Variants in SEPHS1 observed in about 807,000 individuals in gnomAD.
The protein encoded by SEPHS1 is zincore component SEPHS1.
In SEPHS1, 7 loss-of-function variants were observed where a neutral mutation model predicts 39.2. The observed-to-expected ratio is 0.18, with a 90% CI of 0.10 to 0.34. SEPHS1 has a LOEUF of 0.34. Among genes scored for constraint, SEPHS1 ranks in the 10% least tolerant of loss-of-function variants. The pLI is 1.00. For missense variants in SEPHS1, 253 were observed against 514.5 expected, an observed-to-expected ratio of 0.49 and a Z score of 4.92; for synonymous variants, 190 against 195.5, an observed-to-expected ratio of 0.97 and a Z score of 0.23.
rs369770370 is a variant in SEPHS1, at chr10:13,323,130, CCTTA to C, written c.752-87_752-84del. On this transcript the variant is annotated intron_variant, in intron 7 of 8. Coordinates refer to ENST00000327347, the MANE Select transcript of SEPHS1 (RefSeq NM_012247.5). ...TACGTCCACAATTAATCTGCAACTT[CCTTA>C]CTTGTCAGGGAGATGACGTATCGGA... The C allele has an allele frequency of 1.2e-3, 1,271 of 1,074,956 alleles. 8 individuals carry two copies. The African/African-American group carries it at 0.014, about 12-fold the overall frequency. 66.6% of individuals were successfully genotyped at this position (1,074,956 alleles called of 1,614,324 possible).
intron 6 of SEPHS1, 35 bp downstream of exon 6, chr10:13,329,663 T>C: frequency 6.7e-7 from 1 of 1,494,348 alleles, no homozygotes; most frequent in Non-Finnish European, 9.2e-7. Context: ...AACGTACCAT[T>C]CCCCTCCCTC....
intron 7 of SEPHS1, among the ~76,000 whole-genome samples, chr10:13,323,922 T>C (rs546816910): frequency 6.6e-4 from 100 of 152,224 alleles, no homozygotes; most frequent in Admixed American, 1.8e-3. Flanking sequence ...TACACTACAT[T>C]TTGTTTATCC....
rs912078051 is a variant in SEPHS1, at chr10:13,348,236, C to T, written c.-315G>A. On this transcript the variant is annotated 5_prime_UTR_variant, in exon 1 of 9. Coordinates refer to ENST00000327347, the MANE Select transcript of SEPHS1 (RefSeq NM_012247.5). ...CCCGCCGGCTGGGCGCGCGGGGGTC[C>T]TTTAAGGCCGGCCACCTCCCTTTAA... 1 of 148,010 alleles carries T rather than the reference C, an allele frequency of 6.8e-6. No homozygotes were observed. Among genetic ancestry groups the T allele is most frequent in the East Asian group, 2.0e-4 (1 of 4,904 alleles). 9.2% of individuals were successfully genotyped at this position (148,010 alleles called of 1,614,324 possible). A position where few individuals can be genotyped will look rare whatever the true frequency, so the allele number is the denominator to read the frequency against.
At chr10:13,321,309 C>T (rs565914202) in intron 8 of SEPHS1, among the ~76,000 whole-genome samples, 7 of 151,548 alleles carry the variant, frequency 4.6e-5, no homozygotes, top group Non-Finnish European at 8.8e-5. Flanking sequence ...TGCAGTGGGG[C>T]GATCTTGGCT....
rs1832987355 is a variant in SEPHS1 at position 13,317,786 on chromosome 10, T to C, written c.*1356A>G. ...TGTGCTGCTTTTTCTCTCACGAAGA[T>C]GGGCACTTGAGGATCCAGCGCCCTT... On this transcript the variant is annotated 3_prime_UTR_variant, in exon 9 of 9. Transcript: ENST00000327347. The C allele has an allele frequency of 6.6e-6, 1 of 152,230 alleles. No homozygotes were observed. The highest frequency in any genetic ancestry group is 1.5e-5 in the Non-Finnish European group (1 of 68,044). 9.4% of individuals were successfully genotyped at this position (152,230 alleles called of 1,614,324 possible).
At chr10:13,321,222 T>G (rs1197042915) in intron 8 of SEPHS1, among the ~76,000 whole-genome samples, 2 of 150,952 alleles carry the variant, frequency 1.3e-5, no homozygotes, top group Admixed American at 6.6e-5. Flanking sequence ...CCACCGTTTT[T>G]GGGAGGCTGG....
At chr10:13,324,477 A>T (rs1444901634) in intron 7 of SEPHS1, among the ~76,000 whole-genome samples, 1 of 152,224 alleles carries the variant, frequency 6.6e-6, no homozygotes, top group Non-Finnish European at 1.5e-5. Flanking sequence ...TGCATCATAT[A>T]ATAACATATT....
At chr10:13,331,995 C>T (rs1026229767) in intron 5 of SEPHS1, among the ~76,000 whole-genome samples, 1 of 152,232 alleles carries the variant, frequency 6.6e-6, no homozygotes, top group Non-Finnish European at 1.5e-5. Flanking sequence ...GATGATTCCT[C>T]AAGTTAAACA....
At chr10:13,347,490 G>GGCCGGCGGGAGGCGGCGGGA (rs1306527164) in intron 1 of SEPHS1, 2 of 147,996 alleles carry the variant, frequency 1.4e-5, no homozygotes, top group African/African-American at 2.4e-5. Flanking sequence ...TCCCTGTTCG[G>GGCCGGCGGGAGGCGGCGGGA]GCCGGCGGGA....
At position 13,319,088 on chromosome 10, in the gene SEPHS1, A is replaced by G; in HGVS notation, c.*54T>C. 8 of 1,543,900 alleles carry G rather than the reference A, an allele frequency of 5.2e-6. No individual in the cohort carries two copies. The East Asian group carries it at 6.7e-5, about 13-fold the overall frequency. On this transcript the variant is annotated 3_prime_UTR_variant, in exon 9 of 9. Transcript: ENST00000327347. ...TTGTTTATAGTCTTTAATTGAAGTG[A>G]TAAGGGAAATAGATCTATTTAAAAA...
chr10:13,335,233 T>C (rs542521227), intron 4 of SEPHS1, among the ~76,000 whole-genome samples: 66 of 152,332 alleles, frequency 4.3e-4, no homozygotes, highest in African/African-American at 1.5e-3. Flanking sequence ...CTGGTGGCCC[T>C]ATCCCCCGTC....
intron 2 of SEPHS1, 45 bp from the exon 3 acceptor site, chr10:13,338,853 G>A (rs1833712813): frequency 1.4e-6 from 2 of 1,422,402 alleles, no homozygotes; most frequent in African/African-American, 2.8e-5. Flanking sequence ...AAACGGGAAA[G>A]CCATTTCATT....
chr10:13,325,974 TA>T (rs1833274939), intron 7 of SEPHS1, among the ~76,000 whole-genome samples: 1 of 96,416 alleles, frequency 1.0e-5, no homozygotes, highest in South Asian at 3.4e-4. Flanking sequence ...ATAATAATAA[TA>T]ATAATAAATG....
intron 8 of SEPHS1, among the ~76,000 whole-genome samples, chr10:13,320,187 ATTT>A (rs991848446): frequency 6.8e-6 from 1 of 145,990 alleles, no homozygotes. Flanking sequence ...TAGGCCATAA[ATTT>A]TTTTTTTTTT....
At position 13,336,302 on chromosome 10, in the gene SEPHS1, C is replaced by A; in HGVS notation, c.346G>T (p.Val116Phe). ...ATCAGCATATTGTCACATTCCGTGA[C>A]CCCCATTGCATAGAGGTCACTGAGG... ...NVLSDLYAMG[V>F]TECDNMLMLL... is the part of the protein sequence containing the mutation. The change falls in exon 4 of 9, where the codon GTC becomes TTC. Residue 116 changes from valine (V) to phenylalanine (F), a missense_variant. Physicochemically the swap from Val to Phe is conservative, Grantham distance 50 (BLOSUM62 -1). Transcript: ENST00000327347. The A allele has an allele frequency of 6.2e-7, 1 of 1,613,948 alleles. No homozygotes were observed. Among genetic ancestry groups the A allele is most frequent in the Non-Finnish European group, 8.5e-7 (1 of 1,179,900 alleles).
At chr10:13,347,771 C>G (rs1833972869) in intron 1 of SEPHS1, among the ~76,000 whole-genome samples, 1 of 142,794 alleles carries the variant, frequency 7.0e-6, no homozygotes, top group Non-Finnish European at 1.6e-5. Flanking sequence ...CCCTCCTTCC[C>G]CGGCCCCGCG....
intron 7 of SEPHS1, among the ~76,000 whole-genome samples, chr10:13,325,099 G>A (rs534037970): frequency 1.3e-5 from 2 of 152,246 alleles, no homozygotes; most frequent in South Asian, 4.1e-4. Flanking sequence ...TTTTCTCCCA[G>A]TCTGTGGCTT....
chr10:13,342,571 G>A (rs1411938203), intron 2 of SEPHS1, among the ~76,000 whole-genome samples: 1 of 152,130 alleles, frequency 6.6e-6, no homozygotes, highest in Non-Finnish European at 1.5e-5. Flanking sequence ...GGGCGACACA[G>A]TGAGACTTCA....
intron 7 of SEPHS1, among the ~76,000 whole-genome samples, chr10:13,325,939 TCAGTCTCAA>T (rs1833262863): frequency 3.9e-5 from 1 of 25,870 alleles, no homozygotes; most frequent in African/African-American, 1.3e-4. Flanking sequence ...AAAAAGAGAC[TCAGTCTCAA>T]AAAAAAAAAA....
Sources: allele counts gnomAD v4.1 joint callset (sites outside exome capture counted in the v4.1 genomes callset), GRCh38; gene constraint gnomAD v4.1.1; transcripts MANE v1.5; gene names NCBI Gene and HGNC (gene_info 2026-07-23, HGNC 2026-07-21).